ZDHHC20: variants seen among roughly 807,000 people sequenced by gnomAD.
The protein encoded by ZDHHC20 is palmitoyltransferase ZDHHC20.
Under a neutral mutation model 57.8 loss-of-function variants are expected in ZDHHC20, and 43 were observed. The ratio of observed to expected loss-of-function variants is 0.74; its 90% confidence interval spans 0.58 to 0.96. The LOEUF (loss-of-function observed/expected upper bound fraction) is 0.96. Among genes scored for constraint, ZDHHC20 ranks in the 40% least tolerant of loss-of-function variants. ZDHHC20 has a pLI of 0.00. For synonymous variants in ZDHHC20, 157 were observed against 153.0 expected, an observed-to-expected ratio of 1.03 and a Z score of -0.19; for missense variants, 391 against 441.1, an observed-to-expected ratio of 0.89 and a Z score of 1.02.
At chr13:21,425,329 A>G (rs1302326304) in intron 2 of ZDHHC20, among the ~76,000 whole-genome samples, 2 of 152,200 alleles carry the variant, frequency 1.3e-5, no homozygotes, top group Non-Finnish European at 2.9e-5. Context: ...GCTAGAACTC[A>G]TATTAAAAAA....
At chr13:21,401,945 T>C (rs1877687644) in intron 5 of ZDHHC20, among the ~76,000 whole-genome samples, 1 of 152,134 alleles carries the variant, frequency 6.6e-6, no homozygotes, top group South Asian at 2.1e-4. Flanking sequence ...AATATTTAGA[T>C]CTGGGCTGGG....
At chr13:21,395,002 A>G (rs1876514518) in intron 7 of ZDHHC20, among the ~76,000 whole-genome samples, 2 of 152,074 alleles carry the variant, frequency 1.3e-5, no homozygotes, top group African/African-American at 4.8e-5. Context: ...CTTCCTAACT[A>G]TGAGTAGCAA....
At chr13:21,401,579 T>C (rs1593210372) in intron 6 of ZDHHC20, 74 bp downstream of exon 6, 1 of 1,416,814 alleles carries the variant, frequency 7.1e-7, no homozygotes, top group East Asian at 2.5e-5. Context: ...GCCTTCAAAA[T>C]TTAGGAATAC....
intron 4 of ZDHHC20, among the ~76,000 whole-genome samples, chr13:21,409,776 G>C (rs1443749407): frequency 6.6e-6 from 1 of 152,086 alleles, no homozygotes; most frequent in Non-Finnish European, 1.5e-5. Context: ...ATTCCAGTTA[G>C]CAGTTCCCAT....
In ZDHHC20 at chr13:21,380,365, C is replaced by T. The variant is rs571981876; in HGVS notation, c.1060+1069G>A. Among the ~76,000 whole-genome samples the T allele has an allele frequency of 7.9e-5, 12 of 151,976 alleles. No homozygotes were observed. The East Asian group carries it at 2.0e-3, about 25-fold the overall frequency. On this transcript the variant is annotated intron_variant, in intron 11 of 12. Coordinates refer to ENST00000400590, the MANE Select transcript of ZDHHC20 (RefSeq NM_001330059.2). ...ACTTGACCTTGTGATCCACCCACCT[C>T]GGCCTCCCAAAGTGCTGGGATTATA...
chr13:21,403,691 T>C (rs571643350), intron 4 of ZDHHC20, among the ~76,000 whole-genome samples: 1 of 152,214 alleles, frequency 6.6e-6, no homozygotes, highest in South Asian at 2.1e-4. Context: ...TTTTGTTTGT[T>C]TTTTTGTTTT....
At chr13:21,448,124 G>A (rs766111097) in intron 1 of ZDHHC20, among the ~76,000 whole-genome samples, 138 of 140,628 alleles carry the variant, frequency 9.8e-4, no homozygotes, top group East Asian at 7.6e-3. Context: ...CTCTCCGCCC[G>A]GCAGCCACCC....
chr13:21,390,796 A>C (rs1408700857), intron 8 of ZDHHC20, among the ~76,000 whole-genome samples: 2 of 151,842 alleles, frequency 1.3e-5, no homozygotes, highest in African/African-American at 4.8e-5. Flanking sequence ...GCTACTTGGG[A>C]GGCTGAGGTG....
At chr13:21,396,807 TGCATG>T (rs1465070697) in intron 7 of ZDHHC20, among the ~76,000 whole-genome samples, 1 of 148,626 alleles carries the variant, frequency 6.7e-6, no homozygotes, top group African/African-American at 2.5e-5. Context: ...CACTCCAGCC[TGCATG>T]ACAGAGTGAG....
chr13:21,398,607 T>A (rs985071180), intron 7 of ZDHHC20, among the ~76,000 whole-genome samples: 1 of 152,224 alleles, frequency 6.6e-6, no homozygotes, highest in Non-Finnish European at 1.5e-5. Flanking sequence ...TATACCACCC[T>A]GATTCTATAC....
Position 21,401,648 on chromosome 13 carries a change from CA to C in ZDHHC20, c.473+4del. On this transcript the variant is annotated splice_donor_region_variant and intron_variant, in intron 6 of 12. Coordinates refer to ENST00000400590, the MANE Select transcript of ZDHHC20 (RefSeq NM_001330059.2). ...ATGCAATTTCTTCTGTTTTTTTATA[CA>C]TACCAAGGACAGTGATGATCCATCT... is the stretch of plus-strand genomic sequence containing the variant. The C allele has an allele frequency of 6.5e-7, 1 of 1,537,140 alleles. No individual in the cohort carries two copies. Among genetic ancestry groups the C allele is most frequent in the Non-Finnish European group, 8.7e-7 (1 of 1,143,816 alleles).
intron 1 of ZDHHC20, among the ~76,000 whole-genome samples, chr13:21,453,373 T>G (rs1427664921): frequency 6.6e-6 from 1 of 152,200 alleles, no homozygotes; most frequent in African/African-American, 2.4e-5. Flanking sequence ...TATACCTCTC[T>G]TAATAACTGA....
In ZDHHC20 at chr13:21,400,710, A is replaced by G. The variant is rs543785611; in HGVS notation, c.474-217T>C. Among the ~76,000 whole-genome samples, 21 of 152,268 alleles carry G rather than the reference A, an allele frequency of 1.4e-4. No individual in the cohort carries two copies. In the South Asian group the frequency reaches 4.4e-3, roughly 32 times the overall value. On this transcript the variant is annotated intron_variant, in intron 6 of 12. Transcript: ENST00000400590. ...ACACTACTGAACTGTACCCTAAGAA[A>G]TGGTTAACATGGTACATCTTATGGG...
chr13:21,442,482 C>T (rs922959096), intron 1 of ZDHHC20, among the ~76,000 whole-genome samples: 19 of 152,188 alleles, frequency 1.2e-4, no homozygotes, highest in Admixed American at 3.3e-4. Flanking sequence ...TGGCCAGGCA[C>T]GGTGACTCAT....
At chr13:21,404,443 T>C in intron 4 of ZDHHC20, 1 of 446,000 alleles carries the variant, frequency 2.2e-6, no homozygotes, top group Non-Finnish European at 4.5e-6. Flanking sequence ...TACAAGGACA[T>C]TACATGGAAA....
rs1340549180 is a variant in ZDHHC20, at chr13:21,373,232, A to T, written c.*3464T>A. The T allele has an allele frequency of 6.6e-6, 1 of 152,216 alleles. No homozygotes were observed. Among genetic ancestry groups the T allele is most frequent in the Non-Finnish European group, 1.5e-5 (1 of 68,022 alleles). 9.4% of individuals were successfully genotyped at this position (152,216 alleles called of 1,614,324 possible). On this transcript the variant is annotated 3_prime_UTR_variant, in exon 13 of 13. Transcript: ENST00000400590. ...AAAACTTATTTGTAAGTTACTGCCT[A>T]TTCAATGCCCAGAATATGTAGATCC...
Position 21,391,792 on chromosome 13 carries a change from C to T in ZDHHC20, c.657G>A (p.Met219Ile), listed in dbSNP as rs1306880411. The T allele has an allele frequency of 1.2e-6, 2 of 1,613,354 alleles. No homozygotes were observed. The highest frequency in any genetic ancestry group is 1.7e-5 in the Admixed American group (1 of 59,936). ...AAAGTGAGAGGACGCTGATGAAGAACATTGCAGACACAAAGAAAAGAAAAA... is the reference window on the plus strand; with the variant it reads ...AAAGTGAGAGGACGCTGATGAAGAATATTGCAGACACAAAGAAAAGAAAAA... Reference protein sequence around the residue: ...HVLFLFFVSAMFFISVLSLFS... With the variant: ...HVLFLFFVSAIFFISVLSLFS... The change falls in exon 8 of 13, where the codon ATG becomes ATA. Residue 219 changes from methionine (M) to isoleucine (I), a missense_variant. Around this residue, in one of 3 missense-constraint regions of ZDHHC20, gnomAD observed 197 missense variants for 220.8 expected, o/e 0.89. Coordinates refer to ENST00000400590, the MANE Select transcript of ZDHHC20 (RefSeq NM_001330059.2).
chr13:21,427,491 T>C lies in ZDHHC20; in HGVS notation c.119-1813A>G, dbSNP rs551274942. 5.3e-5 allele frequency among the ~76,000 whole-genome samples: 8 copies of C among 152,242 alleles called. No homozygotes were observed. In the East Asian group the frequency reaches 1.2e-3, roughly 22 times the overall value. On this transcript the variant is annotated intron_variant, in intron 1 of 12. Coordinates refer to ENST00000400590, the MANE Select transcript of ZDHHC20 (RefSeq NM_001330059.2). The stretch of plus-strand genomic sequence containing the variant: ...CTAATAGTTTCCAGCGGTTGTCTCT[T>C]TCAGCTTCTCACCAAGATATTCAGG...
intron 10 of ZDHHC20, chr13:21,382,088 T>A (rs1040202426): frequency 2.6e-6 from 1 of 385,232 alleles, no homozygotes; most frequent in South Asian, 1.8e-5. Context: ...CCAGACACGA[T>A]GCTAGGCATC....
Sources: allele counts gnomAD v4.1 joint callset (sites outside exome capture counted in the v4.1 genomes callset), GRCh38; gene constraint gnomAD v4.1.1; regional missense constraint gnomAD v4.1.1; transcripts MANE v1.5; gene names NCBI Gene and HGNC (gene_info 2026-07-23, HGNC 2026-07-21).